The following LCA5L variants were observed in gnomAD, a reference collection of about 807,000 sequenced individuals.
LCA5L encodes lebercilin LCA5 like, also known as lebercilin-like protein.
In LCA5L, 35 loss-of-function variants were observed where a neutral mutation model predicts 45.4. The ratio of observed to expected loss-of-function variants is 0.77; its 90% CI spans 0.59 to 1.02. LCA5L has a LOEUF of 1.02. Ranked by LOEUF, LCA5L falls within the 50% of genes least tolerant of loss-of-function variation. LCA5L has a pLI of 0.00. For synonymous variants in LCA5L, 233 were observed against 264.7 expected, an observed-to-expected ratio of 0.88 and a Z score of 1.16; for missense variants, 668 against 761.6, an observed-to-expected ratio of 0.88 and a Z score of 1.45.
At chr21:39,410,209 T>C in intron 9 of LCA5L, 55 bp downstream of exon 9, 1 of 1,275,164 alleles carries the variant, frequency 7.8e-7, no homozygotes, top group Non-Finnish European at 1.1e-6. Flanking sequence ...GACTGTAGCC[T>C]ATTTTTGTTA....
At chr21:39,430,616 T>C (rs2075606647) in intron 3 of LCA5L, among the ~76,000 whole-genome samples, 1 of 152,076 alleles carries the variant, frequency 6.6e-6, no homozygotes, top group Non-Finnish European at 1.5e-5. Flanking sequence ...GCAACCCCCT[T>C]TAAATGACCA....
At chr21:39,417,975 C>T (rs561597569) in intron 7 of LCA5L, among the ~76,000 whole-genome samples, 1 of 152,240 alleles carries the variant, frequency 6.6e-6, no homozygotes, top group South Asian at 2.1e-4. Flanking sequence ...GCCGTGTTTG[C>T]CAGGATTGTC....
intron 7 of LCA5L, among the ~76,000 whole-genome samples, chr21:39,416,075 A>G (rs554723794): frequency 2.1e-3 from 327 of 152,342 alleles, no homozygotes; most frequent in Admixed American, 3.8e-3. Context: ...TAATCCTGTC[A>G]TTCCTTCTTC....
chr21:39,443,792 GGA>G (rs2148360594), intron 2 of LCA5L: 1 of 152,544 alleles, frequency 6.6e-6, no homozygotes, highest in South Asian at 2.1e-4. Context: ...CCAGCACTTT[GGA>G]AGGCCGAGGC....
At chr21:39,422,863 A>C (rs2074002083) in intron 6 of LCA5L, 113 bp downstream of exon 6, 1 of 974,696 alleles carries the variant, frequency 1.0e-6, no homozygotes, top group South Asian at 1.6e-5. Flanking sequence ...GCAGCACGCC[A>C]AGTGAAGCAG....
At chr21:39,407,292 T>C (rs2039243091) in intron 10 of LCA5L, among the ~76,000 whole-genome samples, 1 of 152,130 alleles carries the variant, frequency 6.6e-6, no homozygotes. Flanking sequence ...TGAGAACATT[T>C]TTCATCCATC....
intron 8 of LCA5L, among the ~76,000 whole-genome samples, chr21:39,411,411 G>A (rs1269057283): frequency 6.6e-6 from 1 of 152,084 alleles, no homozygotes; most frequent in Non-Finnish European, 1.5e-5. Context: ...GCCATACACT[G>A]GCTAACAGAT....
At chr21:39,411,122 G>A in intron 8 of LCA5L, 1 of 326,284 alleles carries the variant, frequency 3.1e-6, no homozygotes, top group Non-Finnish European at 6.0e-6. Flanking sequence ...ATACAAAAGG[G>A]TGCAGCTGTG....
In LCA5L at chr21:39,418,362, T is replaced by G. The variant is rs147921214; in HGVS notation, c.975+2344A>C. On this transcript the variant is annotated intron_variant, in intron 7 of 10. Coordinates refer to ENST00000288350, the MANE Select transcript of LCA5L (RefSeq NM_152505.4). ...ATTGCTGTTTACAGATATATAGATA[T>G]CCATTGTGTGGAGGTACATTTAATT... Among the ~76,000 whole-genome samples, 630 of 152,328 alleles carry G rather than the reference T, an allele frequency of 4.1e-3. 6 individuals carry two copies. The highest frequency in any genetic ancestry group is 0.015 in the African/African-American group (612 of 41,572).
chr21:39,417,014 CTTTGGATATTTAGGGATAGCTTTT>C lies in LCA5L; in HGVS notation c.975+3668_975+3691del, dbSNP rs549722335. Among the ~76,000 whole-genome samples, 430 of 152,196 alleles carry C rather than the reference CTTTGGATATTTAGGGATAGCTTTT, an allele frequency of 2.8e-3. 4 individuals are homozygous for C. The highest frequency in any genetic ancestry group is 9.7e-3 in the African/African-American group (405 of 41,542). ...CACATTTGGGTTCATCTGCATTTTA[CTTTGGATATTTAGGGATAGCTTTT>C]TATTTTATTTTTGAGACAGAGTCTC... On this transcript the variant is annotated intron_variant, in intron 7 of 10. Transcript: ENST00000288350.
At chr21:39,419,315 A>G (rs936187287) in intron 7 of LCA5L, among the ~76,000 whole-genome samples, 1 of 152,116 alleles carries the variant, frequency 6.6e-6, no homozygotes, top group Admixed American at 6.6e-5. Context: ...GCTTGAGCCC[A>G]GGAGTTTGAG....
chr21:39,443,686 T>C (rs2077095349), intron 2 of LCA5L: 1 of 152,188 alleles, frequency 6.6e-6, no homozygotes, highest in African/African-American at 2.4e-5. Context: ...TTTGGTTAAT[T>C]GGGGTTTTAC....
In LCA5L at chr21:39,411,037, G is replaced by T. The variant is rs2040008355; in HGVS notation, c.1061-670C>A. ...TTGAAGAAAAGAAGACCTCACCAAT[G>T]AGAGGTATACACTAATGATAGTGGC... On this transcript the variant is annotated intron_variant, in intron 8 of 10. Transcript: ENST00000288350. 5 of 428,612 alleles carry T rather than the reference G, an allele frequency of 1.2e-5. No individual in the cohort carries two copies. The Admixed American group carries it at 1.3e-4, about 11-fold the overall frequency. The allele number at this position is 428,612 out of a possible 1,614,324, so 26.6% of individuals were successfully genotyped here.
chr21:39,409,600 TTTAA>T lies in LCA5L; in HGVS notation c.1282+375_1282+378del, dbSNP rs1280886707. On this transcript the variant is annotated intron_variant, in intron 10 of 10. Coordinates refer to ENST00000288350, the MANE Select transcript of LCA5L (RefSeq NM_152505.4). This position sits in a 1 kb window ranked among gnomAD's most constrained non-coding sequence, Gnocchi z 4.2. ...TCTGGAAACGGTTTTATGTTTTTTT[TTTAA>T]TTTTTTGAGACAGAGTCTCACTCTG... Among the ~76,000 whole-genome samples the T allele has an allele frequency of 6.6e-6, 1 of 152,074 alleles. No individual in the cohort carries two copies. Among genetic ancestry groups the T allele is most frequent in the African/African-American group, 2.4e-5 (1 of 41,418 alleles).
chr21:39,437,773 A>G (rs1291793185), intron 2 of LCA5L, among the ~76,000 whole-genome samples: 1 of 152,170 alleles, frequency 6.6e-6, no homozygotes, highest in Non-Finnish European at 1.5e-5. Flanking sequence ...TGCAAAATAA[A>G]ACGACTTAGA....
At position 39,415,978 on chromosome 21, in the gene LCA5L, C is replaced by T. The variant is rs138237794; in HGVS notation, c.976-4176G>A. Among the ~76,000 whole-genome samples, 379 of 152,182 alleles carry T rather than the reference C, an allele frequency of 2.5e-3. 4 individuals are homozygous for T. Among genetic ancestry groups the T allele is most frequent in the South Asian group, 0.011 (52 of 4,808 alleles). On this transcript the variant is annotated intron_variant, in intron 7 of 10. Coordinates refer to ENST00000288350, the MANE Select transcript of LCA5L (RefSeq NM_152505.4). Reference sequence around the variant, plus strand: ...TGGTGTGTACCTCTGTCAGGAAGCGCGTATCTCTTATGTGATACTAGGAGC... The same window carrying T: ...TGGTGTGTACCTCTGTCAGGAAGCGTGTATCTCTTATGTGATACTAGGAGC...
chr21:39,430,469 G>T (rs184952815), intron 3 of LCA5L, among the ~76,000 whole-genome samples: 2 of 152,282 alleles, frequency 1.3e-5, no homozygotes, highest in African/African-American at 4.8e-5. Context: ...AGAAGGTGAT[G>T]GACAATTTGA....
chr21:39,438,748 G>T (rs892588575), intron 2 of LCA5L: 1 of 151,588 alleles, frequency 6.6e-6, no homozygotes, highest in African/African-American at 2.4e-5. Context: ...TAAAGAATCA[G>T]ATAAAACATA....
Position 39,428,599 on chromosome 21 carries a change from T to TATATATATATATATATATATATATATA in LCA5L, c.-10-97_-10-96insTATATATATATATATATATATATATAT, listed in dbSNP as rs59297439. The stretch of plus-strand genomic sequence containing the variant: ...TATTTTATATATATATATATATATA[T>TATATATATATATATATATATATATATA]TTTTTTTTTTTTTTTTTTTTTTTTT... On this transcript the variant is annotated intron_variant, in intron 4 of 10. Transcript: ENST00000288350. 2.6e-3 allele frequency: 51 copies of TATATATATATATATATATATATATATA among 19,822 alleles called. 3 individuals are homozygous for TATATATATATATATATATATATATATA. Among genetic ancestry groups the TATATATATATATATATATATATATATA allele is most frequent in the Middle Eastern group, 0.05 (1 of 20 alleles). 1.2% of individuals were successfully genotyped at this position (19,822 alleles called of 1,614,324 possible). A position where few individuals can be genotyped will look rare whatever the true frequency, so the allele number is the denominator to read the frequency against.
Sources: allele counts gnomAD v4.1 joint callset (sites outside exome capture counted in the v4.1 genomes callset), GRCh38; gene constraint gnomAD v4.1.1; non-coding constraint Gnocchi (gnomAD v3.1); transcripts MANE v1.5; gene names NCBI Gene and HGNC (gene_info 2026-07-23, HGNC 2026-07-21).